FAT3: variants seen among roughly 807,000 people sequenced by gnomAD.
FAT3 encodes the protein protocadherin Fat 3.
FAT3 carries 95 observed loss-of-function variants against 310.2 expected under a neutral mutation model. That is an observed-to-expected ratio of 0.31 (90% CI 0.26 to 0.36). The LOEUF is 0.36. Among genes scored for constraint, FAT3 ranks in the 10% least tolerant of loss-of-function variants. The pLI is 1.00. For synonymous variants in FAT3, 2,314 were observed against 2,192.9 expected (o/e 1.06, Z -1.54); for missense variants, 5,408 against 5,715.6 (o/e 0.95, Z 1.74).
intron 1 of FAT3, among the ~76,000 whole-genome samples, chr11:92,327,930 A>C (rs1425296214): frequency 6.6e-6 from 1 of 152,204 alleles, no homozygotes; most frequent in African/African-American, 2.4e-5. Context: ...TGGAGAGAGA[A>C]GAGGCAGAAA....
chr11:92,385,452 CT>C (rs1261730360), intron 2 of FAT3, among the ~76,000 whole-genome samples: 2 of 152,174 alleles, frequency 1.3e-5, no homozygotes, highest in Non-Finnish European at 2.9e-5. Context: ...ACTGCAGTCT[CT>C]GCCTCCTGGG....
At chr11:92,727,409 C>T (rs543130696) in intron 4 of FAT3, among the ~76,000 whole-genome samples, 1 of 151,144 alleles carries the variant, frequency 6.6e-6, no homozygotes, top group African/African-American at 2.4e-5. Context: ...GTAAAAGTGA[C>T]ATAAATAATT....
chr11:92,426,169 G>C (rs1252555265), intron 2 of FAT3, among the ~76,000 whole-genome samples: 1 of 152,130 alleles, frequency 6.6e-6, no homozygotes, highest in East Asian at 1.9e-4. Flanking sequence ...TTTGTTGGCT[G>C]CATAAATGTT....
chr11:92,266,641 T>C lies in FAT3; in HGVS notation c.-18+41467T>C, dbSNP rs16917280. ...CAGCCTTCTCAGTCTGGAGTGTCTG[T>C]GGCTGAAAAAGCCTTTTTGCCCATC... On this transcript the variant is annotated intron_variant, in intron 1 of 27. Coordinates refer to ENST00000525166, the MANE Select transcript of FAT3 (RefSeq NM_001367949.2). Among the ~76,000 whole-genome samples the C allele has an allele frequency of 9.3e-3, 1,414 of 152,284 alleles. 18 individuals carry two copies. Among genetic ancestry groups the C allele is most frequent in the African/African-American group, 0.032 (1,329 of 41,562 alleles).
At chr11:92,368,842 A>ATATATATATATATATG (rs1055622673) in intron 2 of FAT3, among the ~76,000 whole-genome samples, 4 of 147,112 alleles carry the variant, frequency 2.7e-5, no homozygotes, top group African/African-American at 1.1e-4. Context: ...ACATATATAT[A>ATATATATATATATATG]TATATACACA....
intron 3 of FAT3, among the ~76,000 whole-genome samples, chr11:92,530,158 A>G (rs756281428): frequency 2.4e-4 from 37 of 152,324 alleles, no homozygotes; most frequent in Non-Finnish European, 5.1e-4. Flanking sequence ...ATGGTATACA[A>G]CATAGTGGAT....
chr11:92,616,341 C>T (rs1298628274), intron 3 of FAT3, among the ~76,000 whole-genome samples: 4 of 149,674 alleles, frequency 2.7e-5, no homozygotes, highest in Non-Finnish European at 4.4e-5. Flanking sequence ...GTACATCTTC[C>T]TCCGTCCCTT....
At chr11:92,539,073 T>C (rs190969071) in intron 3 of FAT3, among the ~76,000 whole-genome samples, 182 of 152,306 alleles carry the variant, frequency 1.2e-3, no homozygotes, top group African/African-American at 4.2e-3. Context: ...TAAAATTTCC[T>C]ATTTTATAAA....
At chr11:92,320,806 G>A (rs1947595011) in intron 1 of FAT3, among the ~76,000 whole-genome samples, 1 of 150,828 alleles carries the variant, frequency 6.6e-6, no homozygotes, top group Non-Finnish European at 1.5e-5. Flanking sequence ...GGAGGCAGAG[G>A]TTGCAGTGAG....
chr11:92,540,775 GTTTT>G (rs58218154), intron 3 of FAT3, among the ~76,000 whole-genome samples: 77,775 of 140,534 alleles, frequency 0.55, 20,771 homozygotes, highest in East Asian at 0.77. Flanking sequence ...GTTTTGTTTT[GTTTT>G]TTTTGACACA....
intron 13 of FAT3, among the ~76,000 whole-genome samples, chr11:92,811,692 C>T (rs1325494173): frequency 6.6e-6 from 1 of 152,184 alleles, no homozygotes; most frequent in East Asian, 1.9e-4. Flanking sequence ...CTTACCAGTA[C>T]CTTGATCTAC....
At chr11:92,775,163 T>C (rs1258784376) in intron 7 of FAT3, among the ~76,000 whole-genome samples, 1 of 152,020 alleles carries the variant, frequency 6.6e-6, no homozygotes, top group East Asian at 1.9e-4. Context: ...GTCCTTAGAG[T>C]GTTTCTGAAC....
chr11:92,657,702 T>G (rs559074415), intron 3 of FAT3, among the ~76,000 whole-genome samples: 1 of 152,358 alleles, frequency 6.6e-6, no homozygotes, highest in Admixed American at 6.5e-5. Flanking sequence ...GTGAATACTT[T>G]CAAATATTTC....
chr11:92,833,308 A>C (rs573709608), intron 14 of FAT3, among the ~76,000 whole-genome samples: 95 of 152,302 alleles, frequency 6.2e-4, no homozygotes, highest in African/African-American at 2.1e-3. Context: ...CTTTGCACAT[A>C]GTTCCCTCAT....
At chr11:92,728,350 T>G (rs1036185108) in intron 4 of FAT3, among the ~76,000 whole-genome samples, 5 of 152,188 alleles carry the variant, frequency 3.3e-5, no homozygotes, top group Admixed American at 2.6e-4. Context: ...ATGTATGCCC[T>G]GTGATTAAGA....
chr11:92,524,321 A>G (rs1156922349), intron 2 of FAT3, among the ~76,000 whole-genome samples: 2 of 151,778 alleles, frequency 1.3e-5, no homozygotes, highest in Non-Finnish European at 1.5e-5. Context: ...ACCTCTTCTC[A>G]TTCCTCTATA....
chr11:92,681,203 A>G (rs1943471651), intron 3 of FAT3, among the ~76,000 whole-genome samples: 1 of 152,224 alleles, frequency 6.6e-6, no homozygotes, highest in South Asian at 2.1e-4. Flanking sequence ...AGAAGGAGCT[A>G]GACAATAGAT....
intron 21 of FAT3, among the ~76,000 whole-genome samples, chr11:92,863,150 G>A (rs1044926649): frequency 2.6e-5 from 4 of 151,940 alleles, no homozygotes; most frequent in African/African-American, 9.7e-5. Context: ...ATCTCACCAT[G>A]TTCCCCAGGC....
At chr11:92,412,795 G>A (rs377712589) in intron 2 of FAT3, among the ~76,000 whole-genome samples, 1 of 114,646 alleles carries the variant, frequency 8.7e-6, no homozygotes, top group African/African-American at 2.9e-5. Flanking sequence ...TATTTTTAGA[G>A]AAGTTCTGTG....
Sources: allele counts gnomAD v4.1 joint callset (sites outside exome capture counted in the v4.1 genomes callset), GRCh38; gene constraint gnomAD v4.1.1; transcripts MANE v1.5; gene names NCBI Gene and HGNC (gene_info 2026-07-23, HGNC 2026-07-21).